ZC3H12B: variants seen among roughly 807,000 people sequenced by gnomAD.
ZC3H12B encodes probable ribonuclease ZC3H12B.
ZC3H12B carries 7 observed loss-of-function variants against 43.9 expected under a neutral mutation model. That is an observed-to-expected ratio of 0.16 (90% CI 0.09 to 0.30). The LOEUF (loss-of-function observed/expected upper bound fraction) is 0.30. Among genes scored for constraint, ZC3H12B ranks in the 10% least tolerant of loss-of-function variants. ZC3H12B has a pLI of 1.00. For synonymous variants in ZC3H12B, 222 were observed against 241.7 expected, an observed-to-expected ratio of 0.92 and a Z score of 0.76; for missense variants, 475 against 670.2, an observed-to-expected ratio of 0.71 and a Z score of 3.22.
the ZC3H12B span, among the ~76,000 whole-genome samples, chrX:65,104,471 C>A: frequency 5.4e-5 from 6 of 111,504 alleles, no homozygotes; most frequent in Middle Eastern, 4.7e-3. Context: ...TCAGAGTGAC[C>A]AGACAACCTA....
At chrX:65,253,001 T>C in the ZC3H12B span, among the ~76,000 whole-genome samples, 2 of 112,160 alleles carry the variant, frequency 1.8e-5, no homozygotes, top group Non-Finnish European at 3.8e-5. Flanking sequence ...GTAAATTGAT[T>C]TGGAAATTTT....
At chrX:65,123,160 C>T in the ZC3H12B span, among the ~76,000 whole-genome samples, 2 of 109,163 alleles carry the variant, frequency 1.8e-5, no homozygotes, top group Non-Finnish European at 3.8e-5. Flanking sequence ...TTGTCCTAGG[C>T]CTTTTCTGGA....
chrX:65,054,647 G>A, the ZC3H12B span, among the ~76,000 whole-genome samples: 1 of 111,585 alleles, frequency 9.0e-6, no homozygotes, highest in South Asian at 3.8e-4. Context: ...GCTTGATGGG[G>A]GTGGCGTTGA....
At chrX:65,110,710 T>G in the ZC3H12B span, among the ~76,000 whole-genome samples, 5 of 111,989 alleles carry the variant, frequency 4.5e-5, no homozygotes, top group South Asian at 1.8e-3. Flanking sequence ...TTTAACTGTT[T>G]TAGTTTCTTT....
chrX:65,163,338 C>A, the ZC3H12B span, among the ~76,000 whole-genome samples: 1 of 111,581 alleles, frequency 9.0e-6, no homozygotes, highest in Non-Finnish European at 1.9e-5. Flanking sequence ...GAGGTTACTG[C>A]TGTCTTTTTG....
chrX:65,200,788 C>T, the ZC3H12B span, among the ~76,000 whole-genome samples: 1 of 110,666 alleles, frequency 9.0e-6, no homozygotes, highest in South Asian at 3.9e-4. Context: ...AATTAGATCC[C>T]ATTTTTCAAT....
the ZC3H12B span, among the ~76,000 whole-genome samples, chrX:65,313,197 A>C: frequency 2.7e-5 from 3 of 111,952 alleles, no homozygotes; most frequent in Non-Finnish European, 3.8e-5. Context: ...TTAAGTTTTT[A>C]ACATGAATTT....
chrX:65,461,519 C>G (rs1412621895), intron 3 of ZC3H12B, among the ~76,000 whole-genome samples: 3 of 111,868 alleles, frequency 2.7e-5, no homozygotes, highest in South Asian at 3.7e-4. Flanking sequence ...ATACTATGCA[C>G]CCATAAAAAA....
chrX:65,058,730 C>G, the ZC3H12B span, among the ~76,000 whole-genome samples: 1 of 112,020 alleles, frequency 8.9e-6, no homozygotes, highest in Non-Finnish European at 1.9e-5. Context: ...CCACCCAGTT[C>G]AAGCTTCCCG....
chrX:65,153,064 C>T, the ZC3H12B span, among the ~76,000 whole-genome samples: 69 of 111,861 alleles, frequency 6.2e-4, no homozygotes, highest in African/African-American at 2.2e-3. Flanking sequence ...CTTCCTTACA[C>T]CTTATACAAA....
chrX:65,188,491 T>C, the ZC3H12B span, among the ~76,000 whole-genome samples: 1 of 110,517 alleles, frequency 9.0e-6, no homozygotes, highest in Non-Finnish European at 1.9e-5. Context: ...ATTGCCTGTC[T>C]TTTGAATATA....
chrX:65,244,807 T>C, the ZC3H12B span, among the ~76,000 whole-genome samples: 1 of 108,754 alleles, frequency 9.2e-6, no homozygotes, highest in African/African-American at 3.4e-5. Context: ...ACAAGGTATG[T>C]CTGTATTGTA....
At chrX:65,459,813 T>C (rs1342556619) in intron 3 of ZC3H12B, among the ~76,000 whole-genome samples, 7 of 111,508 alleles carry the variant, frequency 6.3e-5, no homozygotes, top group Non-Finnish European at 5.6e-5. Flanking sequence ...AGGGATGCCC[T>C]CTCTCACCAC....
At chrX:65,261,525 G>A in the ZC3H12B span, among the ~76,000 whole-genome samples, 1 of 110,861 alleles carries the variant, frequency 9.0e-6, no homozygotes, top group Non-Finnish European at 1.9e-5. Context: ...GTTTCCCAGA[G>A]TGTGGTATAC....
At chrX:65,255,568 A>G in the ZC3H12B span, among the ~76,000 whole-genome samples, 1 of 112,341 alleles carries the variant, frequency 8.9e-6, no homozygotes, top group South Asian at 3.6e-4. Context: ...AAAGACCCTT[A>G]CCAGCCACCA....
the ZC3H12B span, among the ~76,000 whole-genome samples, chrX:65,128,850 A>G: frequency 9.0e-6 from 1 of 111,640 alleles, no homozygotes; most frequent in Non-Finnish European, 1.9e-5. Flanking sequence ...TTCAGCTAAT[A>G]TCAACAGAGG....
the ZC3H12B span, among the ~76,000 whole-genome samples, chrX:65,155,263 CT>C: frequency 4.8e-4 from 50 of 104,114 alleles, no homozygotes; most frequent in South Asian, 4.3e-4. Flanking sequence ...TGGCCTGCTA[CT>C]TTTTTTTTTT....
At chrX:65,151,115 A>G in the ZC3H12B span, among the ~76,000 whole-genome samples, 1 of 112,261 alleles carries the variant, frequency 8.9e-6, no homozygotes, top group Non-Finnish European at 1.9e-5. Context: ...TATGCAGTTA[A>G]TTTTTGTTCA....
At chrX:65,504,026 G>GT (rs777096934) in exon 5 of ZC3H12B, 1 of 112,212 alleles carries the variant, frequency 8.9e-6, no homozygotes, top group Admixed American at 9.5e-5. Flanking sequence ...AACCTTTTAG[G>GT]TTTTTTCTAA....
Sources: gnomAD v4.1 joint callset for allele counts (sites outside exome capture counted in the v4.1 genomes callset) on GRCh38, gnomAD v4.1.1 for gene constraint, MANE v1.5 for transcripts, NCBI Gene and HGNC (gene_info 2026-07-23, HGNC 2026-07-21) for gene names.